ANKRD11: variants seen among roughly 807,000 people sequenced by gnomAD.
The protein encoded by ANKRD11 is ankyrin repeat domain-containing protein 11.
Under a neutral mutation model 195.7 loss-of-function variants are expected in ANKRD11, and 17 were observed. The observed-to-expected ratio is 0.09, with a 90% CI of 0.06 to 0.13. The LOEUF (loss-of-function observed/expected upper bound fraction) is 0.13, where lower values mean the gene tolerates loss of function less well. Among genes scored for constraint, ANKRD11 ranks in the 10% least tolerant of loss-of-function variants. The pLI, the probability that ANKRD11 is intolerant of heterozygous loss-of-function variation, is 1.00. For missense variants in ANKRD11, 3,735 were observed against 3,566.1 expected (o/e 1.05, Z -1.21); for synonymous variants, 1,953 against 1,528.1 (o/e 1.28, Z -6.49).
chr16:89,332,646 A>G (rs2038126098), intron 2 of ANKRD11, among the ~76,000 whole-genome samples: 1 of 152,254 alleles, frequency 6.6e-6, no homozygotes, highest in Admixed American at 6.5e-5. Flanking sequence ...GGCTTTAGAA[A>G]AAAGCAAACG....
At chr16:89,452,284 C>T (rs1352701616) in intron 1 of ANKRD11, among the ~76,000 whole-genome samples, 1 of 151,660 alleles carries the variant, frequency 6.6e-6, no homozygotes, top group Non-Finnish European at 1.5e-5. Flanking sequence ...AACTCATTTG[C>T]AATTTAGAGA....
At position 89,275,336 on chromosome 16, in the gene ANKRD11, C is replaced by T. The variant is rs970333032; in HGVS notation, c.7471-145G>A. ...GGCCTCCTCCAGTCCCAGCAACAGA[C>T]ACACCAGGAAGCTTCTAGAAACCAC... On this transcript the variant is annotated intron_variant, in intron 9 of 12. Coordinates refer to ENST00000301030, the MANE Select transcript of ANKRD11 (RefSeq NM_013275.6). The T allele has an allele frequency of 4.5e-6, 3 of 670,086 alleles. No homozygotes were observed. In the African/African-American group the frequency reaches 5.4e-5, roughly 12 times the overall value. The allele number at this position is 670,086 out of a possible 1,614,324, so 41.5% of individuals were successfully genotyped here.
At position 89,457,261 on chromosome 16, in the gene ANKRD11, G is replaced by C. The variant is rs887787752; in HGVS notation, c.-145+32984C>G. Reference sequence around the variant, plus strand: ...GGCGTGAGCCACCGCGCCCGGCCGAGTCTTACCTCAATAAAATTAAAGTAG... The same window carrying C: ...GGCGTGAGCCACCGCGCCCGGCCGACTCTTACCTCAATAAAATTAAAGTAG... On this transcript the variant is annotated intron_variant, in intron 1 of 12. Coordinates refer to ENST00000301030, the MANE Select transcript of ANKRD11 (RefSeq NM_013275.6). Among the ~76,000 whole-genome samples the C allele has an allele frequency of 6.0e-5, 9 of 149,600 alleles. No homozygotes were observed. The East Asian group carries it at 1.7e-3, about 28-fold the overall frequency.
intron 2 of ANKRD11, among the ~76,000 whole-genome samples, chr16:89,348,359 G>A (rs750857731): frequency 6.6e-6 from 1 of 152,038 alleles, no homozygotes; most frequent in Non-Finnish European, 1.5e-5. Flanking sequence ...GATAAACCCC[G>A]CTTGCTCATG....
rs779319208 is a variant in ANKRD11, at chr16:89,279,972, C to T, written c.6570G>A (p.Leu2190=). 1.1e-5 allele frequency: 18 copies of T among 1,610,780 alleles called. No individual in the cohort carries two copies. In the Admixed American group the frequency reaches 2.7e-4, roughly 24 times the overall value. ...GCCGGGTGGAGGCCTGGTCAGGAGGCAGTGCCGGCGGCTCCTCAGCCACTA... is the reference window on the plus strand; with the variant it reads ...GCCGGGTGGAGGCCTGGTCAGGAGGTAGTGCCGGCGGCTCCTCAGCCACTA... The part of the protein sequence containing the change: ...STVVAEEPPA[L]PPDQASTRLP... Residue 2190 remains leucine, a synonymous_variant, in exon 9 of 13, where the codon CTG becomes CTA. Coordinates refer to ENST00000301030, the MANE Select transcript of ANKRD11 (RefSeq NM_013275.6). The surrounding 1 kb of genome is among the most constrained non-coding windows in gnomAD (Gnocchi z 5.6).
rs1339141688 is a variant in ANKRD11, at chr16:89,274,808, C to A, written c.7713+6G>T. 6.2e-7 allele frequency: 1 copy of A among 1,609,286 alleles called. No individual in the cohort carries two copies. Among genetic ancestry groups the A allele is most frequent in the East Asian group, 2.2e-5 (1 of 44,878 alleles). On this transcript the variant is annotated splice_donor_region_variant and intron_variant, in intron 11 of 12. Transcript: ENST00000301030. ...CTCATGGGCCTGGCATGCAGACGGG[C>A]CCTACCTGGCTCTCCAGGGGCATGT...
intron 2 of ANKRD11, among the ~76,000 whole-genome samples, chr16:89,392,905 C>T (rs1185644808): frequency 6.6e-6 from 1 of 151,816 alleles, no homozygotes; most frequent in Non-Finnish European, 1.5e-5. Context: ...GTCTAATCAC[C>T]ACCTTGGGAC....
chr16:89,452,449 G>C (rs2044119689), intron 1 of ANKRD11, among the ~76,000 whole-genome samples: 1 of 152,076 alleles, frequency 6.6e-6, no homozygotes, highest in Non-Finnish European at 1.5e-5. Context: ...ATTAAAACTA[G>C]TAACACCTTT....
rs1240715808 is a variant in ANKRD11 at position 89,313,538 on chromosome 16, A to C, written c.87+3395T>G. ...GATGCACTGCAGAGTTGTGGGCTCC[A>C]TTTCCATCTTCCACGTATATGTCAC... On this transcript the variant is annotated intron_variant, in intron 3 of 12. Coordinates refer to ENST00000301030, the MANE Select transcript of ANKRD11 (RefSeq NM_013275.6). The C allele has an allele frequency of 6.2e-6, 8 of 1,289,212 alleles. No individual in the cohort carries two copies. In the Middle Eastern group the frequency reaches 6.4e-4, roughly 103 times the overall value. The allele number at this position is 1,289,212 out of a possible 1,614,324, so 79.9% of individuals were successfully genotyped here.
chr16:89,269,972 G>GT (rs1465021665), intron 12 of ANKRD11: 3 of 152,226 alleles, frequency 2.0e-5, no homozygotes, highest in African/African-American at 2.4e-5. Context: ...GAAGCTTTCA[G>GT]TTTTTTCTCA....
intron 2 of ANKRD11, among the ~76,000 whole-genome samples, chr16:89,326,288 G>A (rs1364082629): frequency 6.6e-6 from 1 of 152,208 alleles, no homozygotes; most frequent in African/African-American, 2.4e-5. Context: ...GAAACACGCA[G>A]GGAAGAGGAA....
intron 1 of ANKRD11, among the ~76,000 whole-genome samples, chr16:89,441,638 G>A (rs922468617): frequency 6.6e-6 from 1 of 151,640 alleles, no homozygotes; most frequent in Non-Finnish European, 1.5e-5. Context: ...GTGGTGGTGG[G>A]CACCTGCAGT....
chr16:89,464,400 A>G (rs1466500109), intron 1 of ANKRD11, among the ~76,000 whole-genome samples: 1 of 152,080 alleles, frequency 6.6e-6, no homozygotes, highest in African/African-American at 2.4e-5. Flanking sequence ...CGAGGTCAGG[A>G]GTTCAAGACC....
chr16:89,413,098 C>T (rs979840432), intron 2 of ANKRD11, among the ~76,000 whole-genome samples: 1 of 152,146 alleles, frequency 6.6e-6, no homozygotes, highest in Non-Finnish European at 1.5e-5. Flanking sequence ...GCCGCTCAGC[C>T]ACAAGTGCCC....
Position 89,290,817 on chromosome 16 carries a change from G to C in ANKRD11, c.409C>G (p.Pro137Ala), listed in dbSNP as rs1432155590. Residue 137 changes from proline to alanine, a missense_variant, in exon 6 of 13, where the codon CCA (proline) becomes GCA (alanine). Pro to Ala is a conservative substitution (Grantham distance 27, BLOSUM62 -1). Coordinates refer to ENST00000301030, the MANE Select transcript of ANKRD11 (RefSeq NM_013275.6). ...ACTGTAGACTGGGAGGGGTGCTTTG[G>C]TGTTGTGTCCACTGCAGGCCAAGGA... ...ESANSPVDTT[P>A]KHPSQSTVCQ... is the part of the protein sequence containing the mutation. 6.2e-7 allele frequency: 1 copy of C among 1,613,770 alleles called. No individual in the cohort carries two copies. Among genetic ancestry groups the C allele is most frequent in the African/African-American group, 1.3e-5 (1 of 75,032 alleles).
At chr16:89,390,662 C>T (rs2041150375) in intron 2 of ANKRD11, among the ~76,000 whole-genome samples, 1 of 151,992 alleles carries the variant, frequency 6.6e-6, no homozygotes, top group African/African-American at 2.4e-5. Context: ...GAAGAACAGG[C>T]AAAAGGGACG....
At chr16:89,319,536 C>G (rs948116272) in intron 2 of ANKRD11, among the ~76,000 whole-genome samples, 6 of 152,270 alleles carry the variant, frequency 3.9e-5, no homozygotes, top group African/African-American at 1.2e-4. Context: ...GGCCGTGGCC[C>G]TTCCAGGACC....
Position 89,455,908 on chromosome 16 carries a change from C to G in ANKRD11, c.-145+34337G>C, listed in dbSNP as rs2056413315. On this transcript the variant is annotated intron_variant, in intron 1 of 12. Transcript: ENST00000301030. ...GCCCAAAAAGTGTTCAAATGGAAAC[C>G]TGTGCACACATGCTCACAGCACTAT... Among the ~76,000 whole-genome samples, 3 of 152,142 alleles carry G rather than the reference C, an allele frequency of 2.0e-5. No individual in the cohort carries two copies. In the South Asian group the frequency reaches 6.2e-4, roughly 31 times the overall value.
Position 89,280,931 on chromosome 16 carries a change from C to A in ANKRD11, c.5611G>T (p.Ala1871Ser). 6.3e-7 allele frequency: 1 copy of A among 1,592,958 alleles called. No individual in the cohort carries two copies. Among genetic ancestry groups the A allele is most frequent in the Non-Finnish European group, 8.6e-7 (1 of 1,166,470 alleles). ...GGAGACGGGGTGACAGTGACAACGG[C>A]AGCCGGTGGGCAGTGCAAAGCGTCG... is the stretch of plus-strand genomic sequence containing the variant. ...KVDALHCPPA[A>S]VVTVTPSPEG... is the part of the protein sequence containing the mutation. The change falls in exon 9 of 13, where the codon GCC (alanine) becomes TCC (serine). Residue 1871 changes from alanine to serine, a missense_variant. By Grantham distance (99) the Ala-to-Ser change is moderately conservative (BLOSUM62 1). Transcript: ENST00000301030.
Sources: gnomAD v4.1 joint callset for allele counts (sites outside exome capture counted in the v4.1 genomes callset) on GRCh38, gnomAD v4.1.1 for gene constraint, Gnocchi (gnomAD v3.1) non-coding constraint, MANE v1.5 for transcripts, NCBI Gene and HGNC (gene_info 2026-07-23, HGNC 2026-07-21) for gene names.